Variants in ARMCX1 observed in about 807,000 individuals in gnomAD.
ARMCX1 encodes the protein armadillo repeat containing X-linked 1, also known as armadillo repeat-containing X-linked protein 1.
A neutral mutation model predicts 15.4 loss-of-function variants in ARMCX1; 4 were observed. The ratio of observed to expected loss-of-function variants is 0.26; its 90% CI spans 0.13 to 0.59. The LOEUF is 0.59. ARMCX1 is among the 20% of genes least tolerant of loss of function. The probability of loss-of-function intolerance (pLI) is 0.89; values close to 1 mark genes in which losing one functional copy is unlikely to be tolerated. For synonymous variants in ARMCX1, 144 were observed against 130.5 expected, an observed-to-expected ratio of 1.10 and a Z score of -0.71; for missense variants, 273 against 337.1, an observed-to-expected ratio of 0.81 and a Z score of 1.49.
At chrX:101,552,208 G>A (rs782292365) in intron 3 of ARMCX1, among the ~76,000 whole-genome samples, 122 of 110,857 alleles carry the variant, frequency 1.1e-3, no homozygotes, top group Non-Finnish European at 2.1e-3. Context: ...GATGGGAGTA[G>A]GGGTGGAGGT....
chrX:101,550,625 G>A lies in ARMCX1; in HGVS notation c.-277G>A, dbSNP rs868972902. 8.9e-6 allele frequency: 1 copy of A among 112,337 alleles called. No individual in the cohort carries two copies. The highest frequency in any genetic ancestry group is 3.7e-4 in the South Asian group (1 of 2,704). 9.3% of individuals were successfully genotyped at this position (112,337 alleles called of 1,213,427 possible). ...GAGGGCGAGAGGGCCTGTGGCCTGG[G>A]GGAAGGAGGACGAGGTTCTGCCTGG... On this transcript the variant is annotated 5_prime_UTR_variant, in exon 1 of 4. Transcript: ENST00000372829.
At chrX:101,552,279 A>T (rs782144722) in intron 3 of ARMCX1, among the ~76,000 whole-genome samples, 52 of 110,705 alleles carry the variant, frequency 4.7e-4, no homozygotes, top group Non-Finnish European at 7.8e-4. Flanking sequence ...TGAATTCCAA[A>T]GCCGCAGCTC....
chrX:101,553,794 C>T lies in ARMCX1; in HGVS notation c.864C>T (p.Ile288=). The change falls in exon 4 of 4, where the codon ATC becomes ATT. Residue 288 remains isoleucine (I), a synonymous_variant. Transcript: ENST00000372829. ...AENQGKIKTY[I]SQVCDDTMVC... is the part of the protein sequence containing the mutation. ...ATCAGGGCAAGATTAAGACGTACAT[C>T]AGTCAAGTGTGTGATGACACCATGG... is the stretch of plus-strand genomic sequence containing the variant. 8.3e-7 allele frequency: 1 copy of T among 1,211,693 alleles called. No homozygotes were observed. Among genetic ancestry groups the T allele is most frequent in the Non-Finnish European group, 1.1e-6 (1 of 895,457 alleles).
chrX:101,552,912 G>T lies in ARMCX1; in HGVS notation c.-19G>T. On this transcript the variant is annotated 5_prime_UTR_variant, in exon 4 of 4. Coordinates refer to ENST00000372829, the MANE Select transcript of ARMCX1 (RefSeq NM_016608.2). ...AGCCTGTTTTGTGCTCGGGTTAAGA[G>T]ATTTGTCCCAGCTATACCATGGGCC... 3 of 1,197,837 alleles carry T rather than the reference G, an allele frequency of 2.5e-6. No homozygotes were observed. The highest frequency in any genetic ancestry group is 3.4e-6 in the Non-Finnish European group (3 of 888,306).
chrX:101,552,904 G>T lies in ARMCX1; in HGVS notation c.-27G>T. 8.4e-7 allele frequency: 1 copy of T among 1,192,974 alleles called. No individual in the cohort carries two copies. ...CCAGAGCGAGCCTGTTTTGTGCTCG[G>T]GTTAAGAGATTTGTCCCAGCTATAC... On this transcript the variant is annotated 5_prime_UTR_variant, in exon 4 of 4. Transcript: ENST00000372829.
chrX:101,552,325 T>C (rs980238274), intron 3 of ARMCX1, among the ~76,000 whole-genome samples: 3 of 110,304 alleles, frequency 2.7e-5, no homozygotes, highest in Non-Finnish European at 5.7e-5. Flanking sequence ...GCGGGAAACA[T>C]TGGGCAAGGC....
intron 2 of ARMCX1, 147 bp from the exon 3 acceptor site, chrX:101,551,422 A>G (rs967868670): frequency 2.7e-5 from 3 of 111,241 alleles, no homozygotes; most frequent in African/African-American, 9.8e-5. Context: ...AGCGGAGTCC[A>G]GAGAAGTGAG....
Position 101,553,029 on chromosome X carries a change from G to A in ARMCX1, c.99G>A (p.Glu33=), listed in dbSNP as rs782359767. The change falls in exon 4 of 4, where the codon GAG becomes GAA. Residue 33 remains glutamate, a synonymous_variant. Coordinates refer to ENST00000372829, the MANE Select transcript of ARMCX1 (RefSeq NM_016608.2). ...CVYRLAWGRD[E]NEKIWDEDEE... ...ACAGACTGGCTTGGGGAAGAGACGA[G>A]AACGAGAAAATCTGGGACGAAGACG... The A allele has an allele frequency of 9.9e-6, 12 of 1,211,821 alleles. No individual in the cohort carries two copies. The highest frequency in any genetic ancestry group is 1.3e-5 in the Non-Finnish European group (12 of 895,556).
At chrX:101,552,015 T>TGGGGG (rs372253601) in intron 3 of ARMCX1, among the ~76,000 whole-genome samples, 2 of 8,065 alleles carry the variant, frequency 2.5e-4, no homozygotes, top group African/African-American at 1.1e-3. Flanking sequence ...TGACACGGGG[T>TGGGGG]GGGGGGGGGG....
Position 101,553,836 on chromosome X carries a change from A to G in ARMCX1, c.906A>G (p.Ser302=), listed in dbSNP as rs782083089. ...ACACCATGGTCTGTCGCTTGGACTC[A>G]GCTGTGCAGATGGCTGGGCTAAGAC... ...CDDTMVCRLD[S]AVQMAGLRLL... is the part of the protein sequence containing the mutation. Residue 302 remains serine (S), a synonymous_variant, in exon 4 of 4, where the codon TCA becomes TCG. Coordinates refer to ENST00000372829, the MANE Select transcript of ARMCX1 (RefSeq NM_016608.2). 2 of 1,209,906 alleles carry G rather than the reference A, an allele frequency of 1.7e-6. No individual in the cohort carries two copies. Among genetic ancestry groups the G allele is most frequent in the African/African-American group, 3.5e-5 (2 of 57,294 alleles).
At chrX:101,551,198 AG>A (rs1458724347) in intron 2 of ARMCX1, among the ~76,000 whole-genome samples, 174 bp downstream of exon 2, 1 of 110,545 alleles carries the variant, frequency 9.0e-6, no homozygotes, top group Non-Finnish European at 1.9e-5. Flanking sequence ...GATTGCGGGT[AG>A]GGTGCGTTGG....
chrX:101,552,577 G>A (rs782225108), intron 3 of ARMCX1, among the ~76,000 whole-genome samples: 8 of 111,262 alleles, frequency 7.2e-5, no homozygotes, highest in Admixed American at 9.6e-5. Context: ...GAACTTTAAC[G>A]TTCTAGGGTG....
intron 1 of ARMCX1, 101 bp downstream of exon 1, chrX:101,550,761 A>T (rs1556026791): frequency 1.8e-5 from 2 of 111,848 alleles, no homozygotes; most frequent in Admixed American, 1.9e-4. Context: ...AAACCCTTGC[A>T]GTATCCCTTG....
rs1556027380 is a variant in ARMCX1, at chrX:101,553,416, G to T, written c.486G>T (p.Gly162=). 2 of 1,193,655 alleles carry T rather than the reference G, an allele frequency of 1.7e-6. No homozygotes were observed. Among genetic ancestry groups the T allele is most frequent in the Non-Finnish European group, 2.3e-6 (2 of 887,365 alleles). The change falls in exon 4 of 4, where the codon GGG becomes GGT. Residue 162 remains glycine (G), a synonymous_variant. Transcript: ENST00000372829. ...CCACCAGGAGTGGATCTAGGGCCGG[G>T]GGCAGGGCAAGTGGAAAATCCAAGG... ...CHPTRSGSRA[G]GRASGKSKGK...
Position 101,553,248 on chromosome X carries a change from C to T in ARMCX1, c.318C>T (p.Ala106=). The change falls in exon 4 of 4, where the codon GCC becomes GCT. Residue 106 remains alanine, a synonymous_variant. Transcript: ENST00000372829. The stretch of plus-strand genomic sequence containing the variant: ...CCCACAGCGGAGGTGGCCTAGAGGC[C>T]AAGGCCAAGGCCCTTTTCAACACGC... The part of the protein sequence containing the change: ...SGSHSGGGLE[A]KAKALFNTLK... The T allele has an allele frequency of 8.3e-7, 1 of 1,211,893 alleles. No homozygotes were observed. Among genetic ancestry groups the T allele is most frequent in the Non-Finnish European group, 1.1e-6 (1 of 895,530 alleles).
rs782595519 is a variant in ARMCX1, at chrX:101,554,669, A to G, written c.*377A>G. ...ATTCTAAGACTTGTGTTTCATCAAT[A>G]AAGTTGTGTTTTAAGCAGCAGAAAA... On this transcript the variant is annotated 3_prime_UTR_variant, in exon 4 of 4. Transcript: ENST00000372829. 1 of 113,993 alleles carries G rather than the reference A, an allele frequency of 8.8e-6. No homozygotes were observed. Among genetic ancestry groups the G allele is most frequent in the Non-Finnish European group, 1.9e-5 (1 of 52,938 alleles). 9.4% of individuals were successfully genotyped at this position (113,993 alleles called of 1,213,427 possible).
chrX:101,552,031 C>G (rs868943828), intron 3 of ARMCX1, among the ~76,000 whole-genome samples: 60 of 25,733 alleles, frequency 2.3e-3, no homozygotes, highest in Non-Finnish European at 3.3e-3. Flanking sequence ...GGGGGGGCGG[C>G]GGTGTCCTGG....
In ARMCX1 at chrX:101,553,414, G is replaced by A. The variant is rs782304395; in HGVS notation, c.484G>A (p.Gly162Arg). ...CCCCACCAGGAGTGGATCTAGGGCC[G>A]GGGGCAGGGCAAGTGGAAAATCCAA... ...CHPTRSGSRA[G>R]GRASGKSKGK... Residue 162 changes from glycine (G) to arginine (R), a missense_variant, in exon 4 of 4, where the codon GGG (glycine) becomes AGG (arginine). Transcript: ENST00000372829. 2.5e-6 allele frequency: 3 copies of A among 1,193,390 alleles called. No individual in the cohort carries two copies. The highest frequency in any genetic ancestry group is 1.9e-5 in the South Asian group (1 of 53,298).
Position 101,552,982 on chromosome X carries a change from G to T in ARMCX1, c.52G>T (p.Ala18Ser), listed in dbSNP as rs886303289. The T allele has an allele frequency of 3.3e-6, 4 of 1,211,879 alleles. No homozygotes were observed. The Admixed American group carries it at 6.5e-5, about 20-fold the overall frequency. ...GCVAAGVVIG[A>S]GACYCVYRLA... is the part of the protein sequence containing the mutation. ...CGTGGCCGCTGGTGTGGTTATCGGG[G>T]CTGGTGCCTGCTACTGTGTATACAG... Residue 18 changes from alanine (A) to serine (S), a missense_variant, in exon 4 of 4, where the codon GCT becomes TCT. Physicochemically the swap from Ala to Ser is moderately conservative, Grantham distance 99. Around this residue, in one of 2 missense-constraint regions of ARMCX1, gnomAD observed 147 missense variants for 143.5 expected, o/e 1.02. Coordinates refer to ENST00000372829, the MANE Select transcript of ARMCX1 (RefSeq NM_016608.2).
Sources: gnomAD v4.1 joint callset for allele counts (sites outside exome capture counted in the v4.1 genomes callset) on GRCh38, gnomAD v4.1.1 for gene constraint, gnomAD v4.1.1 regional missense constraint, MANE v1.5 for transcripts, NCBI Gene and HGNC (gene_info 2026-07-23, HGNC 2026-07-21) for gene names.